The following AMMECR1 variants were observed in gnomAD, a reference collection of about 807,000 sequenced individuals.
The protein encoded by AMMECR1 is nuclear protein AMMECR1.
In AMMECR1, 3 loss-of-function variants were observed where a neutral mutation model predicts 22.5. The ratio of observed to expected loss-of-function variants is 0.13; its 90% CI spans 0.06 to 0.35. The LOEUF is 0.35. Ranked by LOEUF, AMMECR1 falls within the 10% of genes least tolerant of loss-of-function variation. AMMECR1 has a pLI of 1.00. For missense variants in AMMECR1, 235 were observed against 278.7 expected (o/e 0.84, Z 1.12); for synonymous variants, 130 against 116.7 (o/e 1.11, Z -0.74).
intron 2 of AMMECR1, among the ~76,000 whole-genome samples, chrX:110,255,168 T>A (rs920806105): frequency 1.8e-5 from 2 of 112,379 alleles, no homozygotes; most frequent in African/African-American, 6.5e-5. Context: ...TAAGACCACA[T>A]TGTTTTGGGT....
intron 2 of AMMECR1, among the ~76,000 whole-genome samples, chrX:110,323,475 G>T (rs2068086560): frequency 9.0e-6 from 1 of 111,696 alleles, no homozygotes; most frequent in African/African-American, 3.3e-5. Flanking sequence ...TACCTATTCT[G>T]AGCATTTCAT....
intron 2 of AMMECR1, among the ~76,000 whole-genome samples, chrX:110,404,475 A>G (rs1043999347): frequency 4.5e-5 from 5 of 112,100 alleles, no homozygotes; most frequent in African/African-American, 1.6e-4. Flanking sequence ...AGGGGCATGA[A>G]CAACTTTCAC....
rs771733918 is a variant in AMMECR1 at position 110,234,643 on chromosome X, T to C, written c.585-18011A>G. On this transcript the variant is annotated intron_variant, in intron 2 of 5. Transcript: ENST00000262844. Reference sequence around the variant, plus strand: ...GTACCAAAACAGAGATATAGACCAATGGAACACAACAGAGCCCTCAGAAAT... The same window carrying C: ...GTACCAAAACAGAGATATAGACCAACGGAACACAACAGAGCCCTCAGAAAT... 1.8e-3 allele frequency among the ~76,000 whole-genome samples: 195 copies of C among 108,971 alleles called. 2 individuals are homozygous for C. Among genetic ancestry groups the C allele is most frequent in the African/African-American group, 6.4e-3 (191 of 30,021 alleles). The allele number at this position is 108,971 out of a possible 115,157, so 94.6% of individuals were successfully genotyped here. A position where few individuals can be genotyped will look rare whatever the true frequency, so the allele number is the denominator to read the frequency against.
chrX:110,392,362 A>T (rs753272351), intron 2 of AMMECR1, among the ~76,000 whole-genome samples: 4 of 107,427 alleles, frequency 3.7e-5, no homozygotes, highest in Non-Finnish European at 7.7e-5. Flanking sequence ...TGCAGCCTCA[A>T]ACTCCTGGGC....
intron 2 of AMMECR1, among the ~76,000 whole-genome samples, chrX:110,252,090 A>C (rs761128027): frequency 1.8e-5 from 2 of 111,241 alleles, no homozygotes; most frequent in Non-Finnish European, 3.8e-5. Flanking sequence ...CCTAATCCTC[A>C]CAACAAACTT....
At chrX:110,270,165 C>A (rs2067791443) in intron 1 of AMMECR1, among the ~76,000 whole-genome samples, 1 of 111,488 alleles carries the variant, frequency 9.0e-6, no homozygotes, top group Non-Finnish European at 1.9e-5. Context: ...TAATTAATTT[C>A]TTGTAGGCCT....
At chrX:110,199,423 C>T (rs763330052) in intron 5 of AMMECR1, among the ~76,000 whole-genome samples, 1 of 110,882 alleles carries the variant, frequency 9.0e-6, no homozygotes, top group African/African-American at 3.3e-5. Flanking sequence ...TATACTGTCC[C>T]CCCACAGTGA....
At chrX:110,206,821 TC>T (rs989877151) in intron 3 of AMMECR1, among the ~76,000 whole-genome samples, 2 of 112,057 alleles carry the variant, frequency 1.8e-5, no homozygotes, top group African/African-American at 6.5e-5. Context: ...ATGCTGGGTT[TC>T]CCTGTAATAA....
intron 2 of AMMECR1, among the ~76,000 whole-genome samples, chrX:110,406,575 A>C (rs918532970): frequency 8.9e-6 from 1 of 112,044 alleles, no homozygotes; most frequent in Non-Finnish European, 1.9e-5. Context: ...ATAGGTGGGC[A>C]TGTGTCTTTA....
chrX:110,421,238 C>T (rs2068715077), intron 2 of AMMECR1, among the ~76,000 whole-genome samples: 1 of 112,533 alleles, frequency 8.9e-6, no homozygotes, highest in African/African-American at 3.2e-5. Flanking sequence ...TTTTCATGCA[C>T]TTGGACTTTG....
intron 1 of AMMECR1, among the ~76,000 whole-genome samples, chrX:110,299,590 G>A (rs1352570596): frequency 2.7e-5 from 3 of 111,774 alleles, no homozygotes; most frequent in African/African-American, 9.7e-5. Context: ...TACACACTGT[G>A]TATTATCACA....
intron 2 of AMMECR1, among the ~76,000 whole-genome samples, chrX:110,242,299 A>C (rs926567095): frequency 2.7e-5 from 3 of 111,911 alleles, no homozygotes; most frequent in African/African-American, 6.5e-5. Context: ...AGAACTACCA[A>C]ATGTGTTTTC....
At chrX:110,282,988 C>CTCTAA (rs1363914767) in intron 1 of AMMECR1, among the ~76,000 whole-genome samples, 4 of 111,582 alleles carry the variant, frequency 3.6e-5, no homozygotes, top group Non-Finnish European at 7.5e-5. Flanking sequence ...TTATCATCTC[C>CTCTAA]AGCTATGAGT....
chrX:110,219,553 G>T, intron 2 of AMMECR1: 1 of 748,913 alleles, frequency 1.3e-6, no homozygotes, highest in Non-Finnish European at 1.6e-6. Context: ...CATAAGTGAA[G>T]ATCAGGCTAC....
chrX:110,232,889 C>CAAAAAAAAAAAAA (rs775605567), intron 2 of AMMECR1, among the ~76,000 whole-genome samples: 4 of 11,916 alleles, frequency 3.4e-4, no homozygotes, highest in African/African-American at 8.7e-4. Context: ...GACTCAGTCT[C>CAAAAAAAAAAAAA]AAAAAAAAAA....
At chrX:110,421,882 T>C (rs2068719775) in intron 2 of AMMECR1, among the ~76,000 whole-genome samples, 1 of 112,841 alleles carries the variant, frequency 8.9e-6, no homozygotes, top group East Asian at 2.8e-4. Flanking sequence ...ACTGAAGGGA[T>C]GGAGTGGCTT....
chrX:110,367,172 C>A (rs1327970466), intron 2 of AMMECR1, among the ~76,000 whole-genome samples: 2 of 111,939 alleles, frequency 1.8e-5, no homozygotes, highest in Non-Finnish European at 3.8e-5. Flanking sequence ...TTCACTCTTC[C>A]CTCATGGCAT....
At chrX:110,266,336 T>G (rs963317882) in intron 1 of AMMECR1, among the ~76,000 whole-genome samples, 5 of 111,725 alleles carry the variant, frequency 4.5e-5, no homozygotes, top group East Asian at 5.6e-4. Flanking sequence ...AATTCACCTC[T>G]TCATTTTTCA....
chrX:110,326,577 G>A (rs1162325796), intron 2 of AMMECR1, among the ~76,000 whole-genome samples: 3 of 111,939 alleles, frequency 2.7e-5, no homozygotes, highest in Non-Finnish European at 5.6e-5. Flanking sequence ...AGAAGATTAT[G>A]TATTCTGCTG....
Sources: gnomAD v4.1 joint callset for allele counts (sites outside exome capture counted in the v4.1 genomes callset) on GRCh38, gnomAD v4.1.1 for gene constraint, MANE v1.5 for transcripts, NCBI Gene and HGNC (gene_info 2026-07-23, HGNC 2026-07-21) for gene names.